RGS6: variants seen among roughly 807,000 people sequenced by gnomAD.
RGS6 encodes regulator of G-protein signaling 6.
Under a neutral mutation model 78.5 loss-of-function variants are expected in RGS6, and 30 were observed. The observed-to-expected ratio is 0.38, with a 90% CI of 0.29 to 0.52. The LOEUF is 0.52. Ranked by LOEUF, RGS6 falls within the 20% of genes least tolerant of loss-of-function variation. The probability of loss-of-function intolerance (pLI) is 0.85; values close to 1 mark genes in which losing one functional copy is unlikely to be tolerated. For synonymous variants in RGS6, 206 were observed against 206.0 expected, an observed-to-expected ratio of 1.00 and a Z score of 0.00; for missense variants, 495 against 609.7, an observed-to-expected ratio of 0.81 and a Z score of 1.98.
At chr14:72,468,362 C>T (rs990241114) in intron 7 of RGS6, among the ~76,000 whole-genome samples, 37 of 143,362 alleles carry the variant, frequency 2.6e-4, no homozygotes, top group South Asian at 6.8e-4. Flanking sequence ...GGCAACAGAG[C>T]GAGACTCCGT....
At chr14:72,167,230 T>A (rs2096940449) in intron 2 of RGS6, among the ~76,000 whole-genome samples, 1 of 152,224 alleles carries the variant, frequency 6.6e-6, no homozygotes. Flanking sequence ...GGGCCTCAGC[T>A]CCTAGCTGAC....
chr14:72,585,708 G>A, the RGS6 span, among the ~76,000 whole-genome samples: 1 of 152,338 alleles, frequency 6.6e-6, no homozygotes, highest in Admixed American at 6.5e-5. Context: ...CTTTGGTCTT[G>A]AAGAGTTCTG....
At chr14:72,176,392 C>T (rs1429757465) in intron 2 of RGS6, among the ~76,000 whole-genome samples, 16 of 152,164 alleles carry the variant, frequency 1.1e-4, no homozygotes, top group Admixed American at 1.0e-3. Context: ...GAGGGTAGGA[C>T]CTGCAGACTT....
chr14:72,019,725 T>C (rs1198524635), intron 2 of RGS6, among the ~76,000 whole-genome samples: 2 of 152,158 alleles, frequency 1.3e-5, no homozygotes, highest in African/African-American at 4.8e-5. Flanking sequence ...ACGGTAAAGG[T>C]GGAGTCAGTG....
chr14:72,242,307 G>A (rs2053071899), intron 2 of RGS6, among the ~76,000 whole-genome samples: 1 of 152,174 alleles, frequency 6.6e-6, no homozygotes, highest in Non-Finnish European at 1.5e-5. Flanking sequence ...TGTCTTCATG[G>A]CAGCTGAATT....
intron 2 of RGS6, among the ~76,000 whole-genome samples, chr14:72,208,388 A>G (rs757219481): frequency 1.3e-5 from 2 of 152,154 alleles, no homozygotes; most frequent in Non-Finnish European, 2.9e-5. Flanking sequence ...CTCTTCCTCC[A>G]ATTCCTCAGT....
chr14:72,185,998 C>A (rs1362483104), intron 2 of RGS6, among the ~76,000 whole-genome samples: 1 of 152,200 alleles, frequency 6.6e-6, no homozygotes, highest in African/African-American at 2.4e-5. Context: ...AGTCATTGAT[C>A]CTCAAAATAA....
chr14:72,437,340 C>CAAA (rs57302818), intron 3 of RGS6, among the ~76,000 whole-genome samples: 8 of 80,990 alleles, frequency 9.9e-5, no homozygotes, highest in Non-Finnish European at 1.0e-4. Flanking sequence ...GACTCCATCT[C>CAAA]AAAAAAAAAA....
the RGS6 span, among the ~76,000 whole-genome samples, chr14:72,575,154 G>A: frequency 6.6e-6 from 1 of 152,190 alleles, no homozygotes. Flanking sequence ...GTAGGTAAAT[G>A]GTAGGAGGCA....
chr14:72,032,127 T>A (rs571783943), intron 2 of RGS6, among the ~76,000 whole-genome samples: 1 of 152,228 alleles, frequency 6.6e-6, no homozygotes. Context: ...CACCTTTTTT[T>A]CAGTGCTGTG....
the RGS6 span, among the ~76,000 whole-genome samples, chr14:72,605,978 G>A: frequency 6.6e-6 from 1 of 152,210 alleles, no homozygotes; most frequent in East Asian, 1.9e-4. Flanking sequence ...CTGGTCACTG[G>A]TTTGAGTTGA....
chr14:72,618,700 G>A, the RGS6 span, among the ~76,000 whole-genome samples: 1 of 151,972 alleles, frequency 6.6e-6, no homozygotes, highest in African/African-American at 2.4e-5. Flanking sequence ...CAGGCTGGCT[G>A]TGGATGCCAC....
intron 2 of RGS6, among the ~76,000 whole-genome samples, chr14:72,277,477 A>G (rs2060867340): frequency 6.6e-6 from 1 of 152,116 alleles, no homozygotes; most frequent in Non-Finnish European, 1.5e-5. Flanking sequence ...CGTGCCTGTA[A>G]TCCCATCTCC....
the RGS6 span, among the ~76,000 whole-genome samples, chr14:71,886,843 T>A: frequency 6.6e-6 from 1 of 152,182 alleles, no homozygotes; most frequent in Non-Finnish European, 1.5e-5. Flanking sequence ...CAGAACATAG[T>A]CTCGGGGACA....
At position 72,169,545 on chromosome 14, in the gene RGS6, C is replaced by G. The variant is rs118056949; in HGVS notation, c.85-182550C>G. On this transcript the variant is annotated intron_variant, in intron 2 of 17. Coordinates refer to ENST00000553525, the MANE Select transcript of RGS6 (RefSeq NM_001204424.2). ...TGGTGCATCTTGCTCTTGAATAAAT[C>G]TGATCTGAGCTTACAAGTAGGAAGG... Among the ~76,000 whole-genome samples, 804 of 152,308 alleles carry G rather than the reference C, an allele frequency of 5.3e-3. 7 individuals carry two copies. The highest frequency in any genetic ancestry group is 7.1e-3 in the Non-Finnish European group (481 of 68,028).
At chr14:72,043,202 G>A (rs923421818) in intron 2 of RGS6, among the ~76,000 whole-genome samples, 3 of 151,958 alleles carry the variant, frequency 2.0e-5, no homozygotes, top group African/African-American at 7.2e-5. Context: ...AGTCTGCATA[G>A]CTTTTAATTG....
rs191623860 is a variant in RGS6 at position 72,425,813 on chromosome 14, G to A, written c.185-28715G>A. 2.2e-3 allele frequency among the ~76,000 whole-genome samples: 332 copies of A among 152,178 alleles called. 1 individual carries two copies. Among genetic ancestry groups the A allele is most frequent in the Non-Finnish European group, 2.4e-3 (162 of 68,026 alleles). On this transcript the variant is annotated intron_variant, in intron 3 of 17. Coordinates refer to ENST00000553525, the MANE Select transcript of RGS6 (RefSeq NM_001204424.2). ...GATTTATCTTAAGGAAATTATAGGA[G>A]GCATAAAAAGTTTCACCTGCTTATT...
At chr14:72,438,142 CGA>C (rs897907265) in intron 3 of RGS6, among the ~76,000 whole-genome samples, 15 of 151,982 alleles carry the variant, frequency 9.9e-5, no homozygotes, top group Admixed American at 6.6e-4. Context: ...TGCTTTTTCC[CGA>C]GAGAGGGGAA....
chr14:72,571,690 G>A, the RGS6 span, among the ~76,000 whole-genome samples: 2 of 152,138 alleles, frequency 1.3e-5, no homozygotes, highest in Non-Finnish European at 2.9e-5. Flanking sequence ...ATGGATAGAA[G>A]AGCTAATACT....
Sources: allele counts gnomAD v4.1 joint callset (sites outside exome capture counted in the v4.1 genomes callset), GRCh38; gene constraint gnomAD v4.1.1; transcripts MANE v1.5; gene names NCBI Gene and HGNC (gene_info 2026-07-23, HGNC 2026-07-21).